GABRG3: variants seen among roughly 807,000 people sequenced by gnomAD.
GABRG3 encodes the protein gamma-aminobutyric acid type A receptor subunit gamma3.
In GABRG3, 25 loss-of-function variants were observed where a neutral mutation model predicts 48.8. The observed-to-expected ratio is 0.51, with a 90% confidence interval of 0.37 to 0.72. The LOEUF (loss-of-function observed/expected upper bound fraction) is 0.72. GABRG3 is among the 30% of genes least tolerant of loss of function. GABRG3 has a pLI of 0.00. For missense variants in GABRG3, 394 were observed against 577.9 expected (o/e 0.68, Z 3.26); for synonymous variants, 227 against 217.6 (o/e 1.04, Z -0.38).
intron 5 of GABRG3, among the ~76,000 whole-genome samples, chr15:27,474,874 G>A (rs1889889844): frequency 1.3e-5 from 2 of 152,074 alleles, no homozygotes; most frequent in Admixed American, 1.3e-4. Context: ...GTTCACGCCT[G>A]TAATCCCTGC....
chr15:27,051,904 T>C (rs1316703549), intron 3 of GABRG3, among the ~76,000 whole-genome samples: 4 of 152,166 alleles, frequency 2.6e-5, no homozygotes. Context: ...TAGATTCTCA[T>C]AAGGAGTGTG....
chr15:27,224,927 G>T (rs1252640074), intron 3 of GABRG3, among the ~76,000 whole-genome samples: 6 of 151,580 alleles, frequency 4.0e-5, no homozygotes, highest in Non-Finnish European at 8.8e-5. Context: ...TCCAGGAGGG[G>T]AGCTGAACAT....
chr15:27,183,194 T>C (rs954111137), intron 3 of GABRG3, among the ~76,000 whole-genome samples: 1 of 152,202 alleles, frequency 6.6e-6, no homozygotes, highest in Non-Finnish European at 1.5e-5. Flanking sequence ...TGCTTTATTT[T>C]CTTTCTAATA....
chr15:27,404,146 G>A (rs970485900), intron 5 of GABRG3, among the ~76,000 whole-genome samples: 1 of 152,020 alleles, frequency 6.6e-6, no homozygotes, highest in Non-Finnish European at 1.5e-5. Flanking sequence ...GCACGAACCC[G>A]GGAGGCGGAG....
intron 6 of GABRG3, among the ~76,000 whole-genome samples, chr15:27,513,306 C>G (rs150154122): frequency 9.7e-4 from 148 of 152,044 alleles, no homozygotes; most frequent in African/African-American, 3.5e-3. Flanking sequence ...AAACATTAGC[C>G]AGGCGTGGTG....
At chr15:27,202,465 G>A (rs928851935) in intron 3 of GABRG3, among the ~76,000 whole-genome samples, 6 of 152,174 alleles carry the variant, frequency 3.9e-5, no homozygotes, top group Non-Finnish European at 1.5e-5. Flanking sequence ...CTGGCTGGAA[G>A]CACATTTGTA....
chr15:27,253,062 C>T (rs565151028), intron 3 of GABRG3, among the ~76,000 whole-genome samples: 6 of 152,296 alleles, frequency 3.9e-5, no homozygotes, highest in African/African-American at 1.4e-4. Flanking sequence ...CACGCCGAAT[C>T]GATGCTGCCT....
At chr15:27,062,434 T>TTAAAAAA (rs773271266) in intron 3 of GABRG3, among the ~76,000 whole-genome samples, 2 of 32,828 alleles carry the variant, frequency 6.1e-5, no homozygotes, top group Non-Finnish European at 8.5e-5. Context: ...CCATCTCTAC[T>TTAAAAAA]AAAAAAAAAA....
intron 3 of GABRG3, among the ~76,000 whole-genome samples, chr15:27,111,369 A>T (rs1897546023): frequency 6.6e-6 from 1 of 152,148 alleles, no homozygotes. Flanking sequence ...CATTTCTGTC[A>T]TGTCTGATTC....
At chr15:27,110,289 G>A (rs953521920) in intron 3 of GABRG3, among the ~76,000 whole-genome samples, 22 of 152,170 alleles carry the variant, frequency 1.4e-4, no homozygotes, top group African/African-American at 5.1e-4. Flanking sequence ...CAGGTACCTT[G>A]TAACAGTGTA....
At chr15:26,983,934 T>C (rs1247535421) in intron 2 of GABRG3, among the ~76,000 whole-genome samples, 1 of 152,102 alleles carries the variant, frequency 6.6e-6, no homozygotes, top group Admixed American at 6.5e-5. Context: ...TTCTGGACCC[T>C]TGATTTTGCT....
intron 3 of GABRG3, among the ~76,000 whole-genome samples, chr15:27,079,450 C>T (rs967110499): frequency 2.6e-5 from 4 of 152,124 alleles, no homozygotes; most frequent in African/African-American, 7.2e-5. Flanking sequence ...GATTTTCATA[C>T]AGAAGCCACA....
intron 5 of GABRG3, among the ~76,000 whole-genome samples, chr15:27,439,951 A>G (rs1888734449): frequency 6.6e-6 from 1 of 152,138 alleles, no homozygotes; most frequent in Non-Finnish European, 1.5e-5. Context: ...TGCATGTGTT[A>G]GACCTCTGTC....
chr15:27,470,267 G>T (rs1402317369), intron 5 of GABRG3, among the ~76,000 whole-genome samples: 8 of 149,126 alleles, frequency 5.4e-5, no homozygotes, highest in Non-Finnish European at 1.0e-4. Flanking sequence ...TTGAGGCGGA[G>T]TCTCGCTCTG....
rs115834348 is a variant in GABRG3, at chr15:27,427,506, A to G, written c.575-53144A>G. Among the ~76,000 whole-genome samples the G allele has an allele frequency of 9.7e-3, 1,473 of 152,310 alleles. 21 individuals are homozygous for G. Among genetic ancestry groups the G allele is most frequent in the African/African-American group, 0.034 (1,394 of 41,560 alleles). On this transcript the variant is annotated intron_variant, in intron 5 of 9. Coordinates refer to ENST00000615808, the MANE Select transcript of GABRG3 (RefSeq NM_033223.5). ...ATGTAGTTTAAACACAGTACACCAT[A>G]TAAACAGCTTCATGTAGGCCTGACA...
intron 3 of GABRG3, among the ~76,000 whole-genome samples, chr15:27,315,866 T>G (rs147244380): frequency 4.4e-4 from 67 of 152,342 alleles, no homozygotes; most frequent in African/African-American, 1.4e-3. Flanking sequence ...TGTTCATTTC[T>G]CCTTATGTAG....
chr15:27,518,159 T>C lies in GABRG3; in HGVS notation c.713-1813T>C, dbSNP rs530783997. Among the ~76,000 whole-genome samples, 14 of 129,206 alleles carry C rather than the reference T, an allele frequency of 1.1e-4. No homozygotes were observed. In the South Asian group the frequency reaches 2.1e-3, roughly 19 times the overall value. 84.8% of individuals were successfully genotyped at this position (129,206 alleles called of 152,430 possible). A position where few individuals can be genotyped will look rare whatever the true frequency, so the allele number is the denominator to read the frequency against. On this transcript the variant is annotated intron_variant, in intron 6 of 9. Coordinates refer to ENST00000615808, the MANE Select transcript of GABRG3 (RefSeq NM_033223.5). ...TGAGGTCAGGAGTTCGAGACCAGCA[T>C]GATCAACATGTGAAACCCCAACTCT...
chr15:27,036,690 A>C (rs1303757420), intron 3 of GABRG3, among the ~76,000 whole-genome samples: 1 of 152,132 alleles, frequency 6.6e-6, no homozygotes, highest in East Asian at 1.9e-4. Flanking sequence ...ACTCCATCTC[A>C]AAAATAATAA....
At position 27,535,607 on chromosome 15, in the gene GABRG3, C is replaced by A. The variant is rs7177425; in HGVS notation, c.*2726C>A. ...TGGATTCCTGCATATACAGCAGGCTCCCCACTAGGGGGTCTCAATAAAAAG... is the reference window on the plus strand; with the variant it reads ...TGGATTCCTGCATATACAGCAGGCTACCCACTAGGGGGTCTCAATAAAAAG... On this transcript the variant is annotated 3_prime_UTR_variant, in exon 10 of 10. Coordinates refer to ENST00000615808, the MANE Select transcript of GABRG3 (RefSeq NM_033223.5). 23,884 of 152,092 alleles carry A rather than the reference C, an allele frequency of 0.16. 5,028 individuals are homozygous for A. Among genetic ancestry groups the A allele is most frequent in the African/African-American group, 0.48 (19,991 of 41,406 alleles). 9.4% of individuals were successfully genotyped at this position (152,092 alleles called of 1,614,324 possible).
Sources: allele counts gnomAD v4.1 joint callset (sites outside exome capture counted in the v4.1 genomes callset), GRCh38; gene constraint gnomAD v4.1.1; transcripts MANE v1.5; gene names NCBI Gene and HGNC (gene_info 2026-07-23, HGNC 2026-07-21).